The following ELOVL5 variants were observed in gnomAD, a reference collection of about 807,000 sequenced individuals.
ELOVL5 encodes the protein very long chain fatty acid elongase 5.
A neutral mutation model predicts 38.6 loss-of-function variants in ELOVL5; 8 were observed. The ratio of observed to expected loss-of-function variants is 0.21; its 90% CI spans 0.12 to 0.37. The LOEUF (loss-of-function observed/expected upper bound fraction) is 0.37, where lower values mean the gene tolerates loss of function less well. ELOVL5 is among the 10% of genes least tolerant of loss of function. The pLI, the probability that ELOVL5 is intolerant of heterozygous loss-of-function variation, is 1.00. For missense variants in ELOVL5, 280 were observed against 367.8 expected (o/e 0.76, Z 1.95); for synonymous variants, 127 against 133.7 (o/e 0.95, Z 0.34).
intron 3 of ELOVL5, among the ~76,000 whole-genome samples, chr6:53,278,379 C>T (rs759266533): frequency 4.6e-5 from 7 of 152,062 alleles, no homozygotes; most frequent in African/African-American, 1.4e-4. Context: ...ATTCTGCAGG[C>T]GCCTCAATCC....
intron 2 of ELOVL5, chr6:53,294,250 C>A: frequency 6.5e-7 from 1 of 1,534,888 alleles, no homozygotes. Flanking sequence ...TCTAGTCAAT[C>A]TGTGGTGGTC....
At chr6:53,314,224 A>AT (rs1767948785) in intron 1 of ELOVL5, among the ~76,000 whole-genome samples, 1 of 152,186 alleles carries the variant, frequency 6.6e-6, no homozygotes, top group Non-Finnish European at 1.5e-5. Context: ...GGCTAATATG[A>AT]TTTTTCCTTC....
intron 2 of ELOVL5, among the ~76,000 whole-genome samples, chr6:53,292,820 T>C (rs1375539288): frequency 1.3e-5 from 2 of 151,724 alleles, no homozygotes; most frequent in Non-Finnish European, 2.9e-5. Context: ...AAACAAAACA[T>C]GAAGGTGAAG....
intron 3 of ELOVL5, among the ~76,000 whole-genome samples, chr6:53,286,939 AT>A (rs1766595604): frequency 6.6e-6 from 1 of 152,202 alleles, no homozygotes; most frequent in Non-Finnish European, 1.5e-5. Context: ...TGTACTTTAG[AT>A]GCATTTTTGT....
At chr6:53,336,365 A>C (rs980103683) in intron 1 of ELOVL5, among the ~76,000 whole-genome samples, 1 of 152,220 alleles carries the variant, frequency 6.6e-6, no homozygotes, top group Non-Finnish European at 1.5e-5. Context: ...AACAAGGTTA[A>C]ATAAGAGGGC....
intron 1 of ELOVL5, among the ~76,000 whole-genome samples, chr6:53,333,763 T>C (rs1415311155): frequency 6.6e-6 from 1 of 152,202 alleles, no homozygotes; most frequent in Non-Finnish European, 1.5e-5. Context: ...TCATGTGTGG[T>C]TTATGGAAGT....
chr6:53,298,973 A>G, intron 1 of ELOVL5, among the ~76,000 whole-genome samples: 1 of 152,202 alleles, frequency 6.6e-6, no homozygotes, highest in South Asian at 2.1e-4. Flanking sequence ...ATGAAAGACA[A>G]AACTAAAAGG....
At position 53,348,730 on chromosome 6, in the gene ELOVL5, T is replaced by C. The variant is rs892591598; in HGVS notation, c.-9+87A>G. 9.0e-6 allele frequency: 4 copies of C among 443,038 alleles called. No individual in the cohort carries two copies. In the Admixed American group the frequency reaches 1.0e-4, roughly 11 times the overall value. The allele number at this position is 443,038 out of a possible 1,614,324, so 27.4% of individuals were successfully genotyped here. A position where few individuals can be genotyped will look rare whatever the true frequency, so the allele number is the denominator to read the frequency against. On this transcript the variant is annotated intron_variant, in intron 1 of 7. Transcript: ENST00000304434. ...GGTCCGAGACCTAACGGCAGTTCTC[T>C]CTGACCGCTTCCCGGCCGCGCGCTC... is the stretch of plus-strand genomic sequence containing the variant.
chr6:53,334,144 G>T (rs1483589198), intron 1 of ELOVL5, among the ~76,000 whole-genome samples: 1 of 152,154 alleles, frequency 6.6e-6, no homozygotes, highest in East Asian at 1.9e-4. Context: ...AAAAGTGTTT[G>T]ATGCCAAACT....
At position 53,271,326 on chromosome 6, in the gene ELOVL5, C is replaced by T. The variant is rs1025876256; in HGVS notation, c.622-599G>A. On this transcript the variant is annotated intron_variant, in intron 6 of 7. Coordinates refer to ENST00000304434, the MANE Select transcript of ELOVL5 (RefSeq NM_021814.5). ...CAGCACTTTGGGAGGCCGAGGCTGGCGGATCACAAGGTCAAGAGATCAACA... is the reference window on the plus strand; with the variant it reads ...CAGCACTTTGGGAGGCCGAGGCTGGTGGATCACAAGGTCAAGAGATCAACA... Among the ~76,000 whole-genome samples the T allele has an allele frequency of 6.6e-5, 10 of 150,902 alleles. No homozygotes were observed. In the South Asian group the frequency reaches 1.9e-3, roughly 29 times the overall value.
chr6:53,285,970 T>C (rs933173317), intron 3 of ELOVL5, among the ~76,000 whole-genome samples: 6 of 152,178 alleles, frequency 3.9e-5, no homozygotes, highest in Admixed American at 3.3e-4. Flanking sequence ...GCACACTTAA[T>C]AGACCATAAT....
At chr6:53,281,370 G>A (rs1414714240) in intron 3 of ELOVL5, among the ~76,000 whole-genome samples, 1 of 152,122 alleles carries the variant, frequency 6.6e-6, no homozygotes, top group Non-Finnish European at 1.5e-5. Context: ...GTATTTTTTA[G>A]ATCTGGTACA....
intron 1 of ELOVL5, among the ~76,000 whole-genome samples, chr6:53,309,987 T>G (rs976678760): frequency 6.6e-6 from 1 of 152,118 alleles, no homozygotes; most frequent in Non-Finnish European, 1.5e-5. Flanking sequence ...GGTGGCAAAT[T>G]TGGGGGTAAT....
rs865794299 is a variant in ELOVL5, at chr6:53,291,705, A to C, written c.246+71T>G. 2.3e-6 allele frequency: 3 copies of C among 1,311,714 alleles called. No homozygotes were observed. The Middle Eastern group carries it at 5.8e-4, about 252-fold the overall frequency. The allele number at this position is 1,311,714 out of a possible 1,614,324, so 81.3% of individuals were successfully genotyped here. On this transcript the variant is annotated intron_variant, in intron 3 of 7. Coordinates refer to ENST00000304434, the MANE Select transcript of ELOVL5 (RefSeq NM_021814.5). ...CCCAAGCGGCCACCTTTCCTCATTT[A>C]GGAATACAATTTAGGACAGCAATAT...
At chr6:53,280,600 CTT>C (rs1224116881) in intron 3 of ELOVL5, among the ~76,000 whole-genome samples, 4 of 152,054 alleles carry the variant, frequency 2.6e-5, no homozygotes, top group Non-Finnish European at 5.9e-5. Flanking sequence ...TGGAGTGAAT[CTT>C]TTTTCTTTGA....
intron 5 of ELOVL5, 117 bp downstream of exon 5, chr6:53,274,973 A>G (rs983825228): frequency 9.0e-6 from 9 of 1,002,400 alleles, no homozygotes; most frequent in Admixed American, 8.4e-5. Context: ...CAACTTGAAC[A>G]CAAAGCTGAA....
At chr6:53,315,444 G>C (rs886131421) in intron 1 of ELOVL5, among the ~76,000 whole-genome samples, 2 of 152,138 alleles carry the variant, frequency 1.3e-5, no homozygotes, top group Non-Finnish European at 2.9e-5. Context: ...ATAAACGAAT[G>C]ACTGTTTACA....
chr6:53,330,367 G>C (rs1768741681), intron 1 of ELOVL5, among the ~76,000 whole-genome samples: 1 of 151,902 alleles, frequency 6.6e-6, no homozygotes, highest in Admixed American at 6.6e-5. Context: ...TGACTATGAA[G>C]GCCTAGGACA....
intron 3 of ELOVL5, among the ~76,000 whole-genome samples, chr6:53,284,439 G>A (rs765898007): frequency 3.3e-5 from 5 of 152,040 alleles, no homozygotes; most frequent in Admixed American, 2.6e-4. Context: ...TGAAACTGTC[G>A]TAAGTTAAAA....
Sources: gnomAD v4.1 joint callset for allele counts (sites outside exome capture counted in the v4.1 genomes callset) on GRCh38, gnomAD v4.1.1 for gene constraint, MANE v1.5 for transcripts, NCBI Gene and HGNC (gene_info 2026-07-23, HGNC 2026-07-21) for gene names.